Variants in GNAS-AS1 observed in about 807,000 individuals in gnomAD.
The protein encoded by GNAS-AS1 is GNAS antisense RNA 1 (non-protein coding).
intron 4 of GNAS-AS1, chr20:58,823,984 C>T (rs1041957668): frequency 4.3e-5 from 17 of 398,550 alleles, no homozygotes; most frequent in Middle Eastern, 1.2e-3. Flanking sequence ...ACCTATGCAG[C>T]GAGGAAATCC....
At chr20:58,832,052 G>T (rs2085571852) in intron 4 of GNAS-AS1, among the ~76,000 whole-genome samples, 1 of 152,150 alleles carries the variant, frequency 6.6e-6, no homozygotes, top group South Asian at 2.1e-4. Context: ...CTGAGTGTTT[G>T]CCTGAGTAGG....
chr20:58,832,057 A>G (rs1442364287), intron 4 of GNAS-AS1, among the ~76,000 whole-genome samples: 2 of 152,202 alleles, frequency 1.3e-5, no homozygotes, highest in Non-Finnish European at 2.9e-5. Flanking sequence ...TGTTTGCCTG[A>G]GTAGGCTGCT....
chr20:58,822,425 T>C (rs954993278), intron 4 of GNAS-AS1, among the ~76,000 whole-genome samples: 5 of 152,152 alleles, frequency 3.3e-5, no homozygotes, highest in South Asian at 4.1e-4. Context: ...CGGTTGTCTA[T>C]GGACAGGAAG....
intron 2 of GNAS-AS1, chr20:58,843,175 T>A (rs1349057379): frequency 1.3e-5 from 2 of 150,150 alleles, no homozygotes; most frequent in East Asian, 3.9e-4. Flanking sequence ...CGGCACACAC[T>A]CTCCCCCGCT....
At chr20:58,843,043 T>C (rs986598649) in intron 2 of GNAS-AS1, among the ~76,000 whole-genome samples, 1 of 152,194 alleles carries the variant, frequency 6.6e-6, no homozygotes, top group Non-Finnish European at 1.5e-5. Flanking sequence ...CTGTAAGCAA[T>C]GTACCATGTT....
intron 4 of GNAS-AS1, chr20:58,833,962 T>A (rs569795400): frequency 1.2e-4 from 19 of 152,314 alleles, no homozygotes; most frequent in African/African-American, 4.6e-4. Context: ...ATAGAAATAG[T>A]CCCAATCTAC....
At chr20:58,828,247 T>C (rs762566027) in intron 4 of GNAS-AS1, among the ~76,000 whole-genome samples, 3 of 152,254 alleles carry the variant, frequency 2.0e-5, no homozygotes, top group Non-Finnish European at 4.4e-5. Context: ...AAACCACTTC[T>C]AGCCAGCTCT....
chr20:58,819,759 G>A (rs1316200171), intron 4 of GNAS-AS1, among the ~76,000 whole-genome samples: 1 of 152,180 alleles, frequency 6.6e-6, no homozygotes, highest in Admixed American at 6.5e-5. Context: ...GCAGAAACCA[G>A]GCAACCAACC....
chr20:58,830,550 TCAC>T (rs2085559333), intron 4 of GNAS-AS1, among the ~76,000 whole-genome samples: 3 of 322 alleles, frequency 9.3e-3, no homozygotes, highest in Non-Finnish European at 0.023. Flanking sequence ...AGCACCACCA[TCAC>T]CACCACCATC....
chr20:58,830,301 TC>T (rs2085549340), intron 4 of GNAS-AS1, among the ~76,000 whole-genome samples: 1 of 19,566 alleles, frequency 5.1e-5, no homozygotes, highest in Non-Finnish European at 1.1e-4. Context: ...ACCACCACCA[TC>T]ACCACCACCA....
chr20:58,830,520 C>A (rs1191156019), intron 4 of GNAS-AS1, among the ~76,000 whole-genome samples: 1 of 15,658 alleles, frequency 6.4e-5, no homozygotes, highest in Admixed American at 6.0e-4. Context: ...TCATCACCAC[C>A]ACACCACCAT....
At chr20:58,826,009 T>G in intron 4 of GNAS-AS1, 1 of 398,608 alleles carries the variant, frequency 2.5e-6, no homozygotes. Context: ...TCTCCTGAGC[T>G]TGCTCTTTTG....
intron 4 of GNAS-AS1, among the ~76,000 whole-genome samples, chr20:58,819,873 C>T (rs1299420651): frequency 2.0e-5 from 3 of 152,234 alleles, no homozygotes; most frequent in African/African-American, 7.2e-5. Flanking sequence ...GTGACCACGA[C>T]CTCAGTGTGA....
intron 2 of GNAS-AS1, among the ~76,000 whole-genome samples, chr20:58,842,916 T>C (rs967958146): frequency 1.3e-5 from 2 of 152,220 alleles, no homozygotes; most frequent in Non-Finnish European, 2.9e-5. Flanking sequence ...AATGAGCATG[T>C]TGCCTTGTTG....
chr20:58,823,220 G>T (rs1159826057), intron 4 of GNAS-AS1, among the ~76,000 whole-genome samples: 1 of 152,210 alleles, frequency 6.6e-6, no homozygotes, highest in Non-Finnish European at 1.5e-5. Context: ...TTGGCGTATA[G>T]AACCTAATAT....
In GNAS-AS1 at chr20:58,841,781, G is replaced by A; in HGVS notation, n.819+156C>T. On this transcript the variant is annotated intron_variant and non_coding_transcript_variant, in intron 4 of 4. Transcript: ENST00000424094. The surrounding 1 kb of genome is among the most constrained non-coding windows in gnomAD (Gnocchi z 5.0). ...TATTGCCAAGCTTTTGGCGCAGCTG[G>A]TCGGGTGGCCAGGCTGCATGCGGCT... The A allele has an allele frequency of 8.1e-7, 1 of 1,230,490 alleles. No individual in the cohort carries two copies. The highest frequency in any genetic ancestry group is 1.0e-6 in the Non-Finnish European group (1 of 987,696). The allele number at this position is 1,230,490 out of a possible 1,614,324, so 76.2% of individuals were successfully genotyped here.
At chr20:58,842,098 G>A in exon 4 of GNAS-AS1, 1 of 402,332 alleles carries the variant, frequency 2.5e-6, no homozygotes, top group Admixed American at 4.4e-5. Context: ...TTTTCAGCAC[G>A]GGTAGAGTTA....
chr20:58,834,945 C>T (rs1362089775), intron 4 of GNAS-AS1, among the ~76,000 whole-genome samples: 1 of 152,172 alleles, frequency 6.6e-6, no homozygotes, highest in Non-Finnish European at 1.5e-5. Context: ...GGCATTCCCC[C>T]AAATCTCAAA....
At chr20:58,844,377 T>C (rs376681510) in intron 2 of GNAS-AS1, among the ~76,000 whole-genome samples, 35 of 152,196 alleles carry the variant, frequency 2.3e-4, no homozygotes, top group African/African-American at 6.5e-4. Context: ...TTAATCCCCA[T>C]GTTCAAGAAT....
Sources: allele counts gnomAD v4.1 joint callset (sites outside exome capture counted in the v4.1 genomes callset), GRCh38; gene constraint gnomAD v4.1.1; non-coding constraint Gnocchi (gnomAD v3.1); transcripts MANE v1.5; gene names NCBI Gene and HGNC (gene_info 2026-07-23, HGNC 2026-07-21).